The following EXOC4 variants were observed in gnomAD, a reference collection of about 807,000 sequenced individuals.
The protein encoded by EXOC4 is SEC8-like 1.
Under a neutral mutation model 107.2 loss-of-function variants are expected in EXOC4, and 71 were observed. The ratio of observed to expected loss-of-function variants is 0.66; its 90% CI spans 0.55 to 0.81. EXOC4 has a LOEUF of 0.81. Among genes scored for constraint, EXOC4 ranks in the 30% least tolerant of loss-of-function variants. EXOC4 has a pLI of 0.00. For missense variants in EXOC4, 1,108 were observed against 1,189.6 expected (o/e 0.93, Z 1.01); for synonymous variants, 456 against 441.2 (o/e 1.03, Z -0.42).
chr7:133,642,794 C>T (rs1339486933), intron 10 of EXOC4, among the ~76,000 whole-genome samples: 1 of 152,064 alleles, frequency 6.6e-6, no homozygotes, highest in Non-Finnish European at 1.5e-5. Context: ...ATCTCAGGCC[C>T]CCTTGTACAC....
At chr7:133,503,391 C>G (rs12707092) in intron 9 of EXOC4, among the ~76,000 whole-genome samples, 22,209 of 152,098 alleles carry the variant, frequency 0.15, 2,083 homozygotes, top group South Asian at 0.22. Context: ...TCTCTAAAGC[C>G]CCTCTGGTTT....
At chr7:133,362,396 A>G (rs1796155432) in intron 6 of EXOC4, among the ~76,000 whole-genome samples, 1 of 152,170 alleles carries the variant, frequency 6.6e-6, no homozygotes, top group African/African-American at 2.4e-5. Flanking sequence ...TGTCCATGTT[A>G]GCTGCATAAT....
At chr7:133,903,008 AG>A (rs1476846750) in intron 12 of EXOC4, among the ~76,000 whole-genome samples, 1 of 152,228 alleles carries the variant, frequency 6.6e-6, no homozygotes, top group Admixed American at 6.5e-5. Flanking sequence ...TTGAGCTTAG[AG>A]GAAAGGCTCC....
intron 10 of EXOC4, among the ~76,000 whole-genome samples, chr7:133,789,436 T>C (rs1796658397): frequency 6.6e-6 from 1 of 152,206 alleles, no homozygotes; most frequent in African/African-American, 2.4e-5. Flanking sequence ...CGATGACTTG[T>C]GCAGTTGTTG....
chr7:133,823,595 A>C (rs910548990), intron 11 of EXOC4, among the ~76,000 whole-genome samples: 1 of 151,432 alleles, frequency 6.6e-6, no homozygotes, highest in African/African-American at 2.4e-5. Flanking sequence ...CGGATGGATC[A>C]CTTGAGGTCA....
chr7:133,909,376 C>A (rs2116595521), intron 12 of EXOC4, among the ~76,000 whole-genome samples: 2 of 152,202 alleles, frequency 1.3e-5, no homozygotes, highest in East Asian at 3.9e-4. Context: ...ACAACAGGTT[C>A]AAGTGAGGAG....
intron 10 of EXOC4, among the ~76,000 whole-genome samples, chr7:133,708,456 A>C (rs558789353): frequency 2.2e-4 from 33 of 152,252 alleles, no homozygotes; most frequent in Non-Finnish European, 3.2e-4. Context: ...GGAAGAAGAC[A>C]ATCAACACAT....
intron 11 of EXOC4, among the ~76,000 whole-genome samples, chr7:133,840,691 C>A (rs146811413): frequency 0.01 from 1,526 of 151,890 alleles, 27 homozygotes; most frequent in African/African-American, 0.035. Flanking sequence ...CCATGTTGGA[C>A]AGGATGGTCT....
At chr7:134,055,988 A>C (rs569223888) in intron 17 of EXOC4, among the ~76,000 whole-genome samples, 1 of 152,318 alleles carries the variant, frequency 6.6e-6, no homozygotes, top group Admixed American at 6.5e-5. Context: ...AAAAATTAAT[A>C]ATGTGATTTT....
chr7:133,366,791 C>T (rs974944310), intron 6 of EXOC4, among the ~76,000 whole-genome samples: 5 of 152,020 alleles, frequency 3.3e-5, no homozygotes, highest in African/African-American at 4.8e-5. Context: ...TATTGGAATA[C>T]AGTAATAAAT....
chr7:133,993,981 G>A (rs1329072144), intron 14 of EXOC4, among the ~76,000 whole-genome samples: 1 of 152,220 alleles, frequency 6.6e-6, no homozygotes, highest in East Asian at 1.9e-4. Context: ...GTGAGCAAGG[G>A]AGAGAATGGA....
At chr7:134,029,160 T>A (rs1178543059) in intron 17 of EXOC4, among the ~76,000 whole-genome samples, 2 of 152,218 alleles carry the variant, frequency 1.3e-5, no homozygotes, top group East Asian at 3.9e-4. Context: ...AACATTCTAA[T>A]GTCTTCATTG....
chr7:133,678,985 CT>C (rs935522865), intron 10 of EXOC4, among the ~76,000 whole-genome samples: 9 of 152,214 alleles, frequency 5.9e-5, no homozygotes, highest in Admixed American at 2.0e-4. Context: ...CAATTAAATA[CT>C]TTATTTTATT....
chr7:134,068,307 G>C (rs1290055505), downstream of EXOC4, among the ~76,000 whole-genome samples: 1 of 152,142 alleles, frequency 6.6e-6, no homozygotes, highest in Non-Finnish European at 1.5e-5. Context: ...GGAGGGACCT[G>C]GTAGGAGGTT....
chr7:133,855,523 A>G (rs914971991), intron 11 of EXOC4, among the ~76,000 whole-genome samples: 2 of 152,066 alleles, frequency 1.3e-5, no homozygotes, highest in African/African-American at 2.4e-5. Flanking sequence ...TGGGATTCAC[A>G]TTTTAGCCTA....
At chr7:134,006,372 A>G (rs925097851) in intron 16 of EXOC4, among the ~76,000 whole-genome samples, 1 of 152,176 alleles carries the variant, frequency 6.6e-6, no homozygotes, top group Non-Finnish European at 1.5e-5. Context: ...CTTGGCCTAC[A>G]GAGATTTTTC....
At chr7:133,672,108 C>G (rs1351828462) in intron 10 of EXOC4, among the ~76,000 whole-genome samples, 1 of 152,022 alleles carries the variant, frequency 6.6e-6, no homozygotes, top group Non-Finnish European at 1.5e-5. Context: ...GTACCTAGTA[C>G]AGGCCAGGCG....
At chr7:133,819,986 C>G (rs1797473965) in intron 11 of EXOC4, among the ~76,000 whole-genome samples, 1 of 152,120 alleles carries the variant, frequency 6.6e-6, no homozygotes, top group South Asian at 2.1e-4. Flanking sequence ...GTTACTGTGC[C>G]TCTTGTCCTT....
chr7:133,977,967 G>A (rs189343569), intron 14 of EXOC4, among the ~76,000 whole-genome samples: 39 of 152,254 alleles, frequency 2.6e-4, no homozygotes, highest in African/African-American at 9.1e-4. Context: ...TGACCAAAAG[G>A]TTTCTTTGTA....
Sources: allele counts gnomAD v4.1 joint callset (sites outside exome capture counted in the v4.1 genomes callset), GRCh38; gene constraint gnomAD v4.1.1; transcripts MANE v1.5; gene names NCBI Gene and HGNC (gene_info 2026-07-23, HGNC 2026-07-21).